MALRD1: variants seen among roughly 807,000 people sequenced by gnomAD.
MALRD1 encodes MAM and LDL-receptor class A domain-containing protein 1.
A neutral mutation model predicts 242.1 loss-of-function variants in MALRD1; 247 were observed. That is an observed-to-expected ratio of 1.02 (90% CI 0.92 to 1.13). The LOEUF (loss-of-function observed/expected upper bound fraction) is 1.13, where lower values mean the gene tolerates loss of function less well. Among genes scored for constraint, MALRD1 ranks in the 50% most tolerant of loss-of-function variants. The pLI is 0.00. For missense variants in MALRD1, 2,989 were observed against 2,533.1 expected (o/e 1.18, Z -3.86); for synonymous variants, 995 against 866.6 (o/e 1.15, Z -2.60).
chr10:19,391,726 T>C (rs1846344495), intron 28 of MALRD1, among the ~76,000 whole-genome samples: 1 of 151,110 alleles, frequency 6.6e-6, no homozygotes, highest in South Asian at 2.1e-4. Context: ...TTTCTGAGTG[T>C]CTTGCAGTTC....
chr10:19,407,057 A>G (rs1436350477), intron 28 of MALRD1, among the ~76,000 whole-genome samples: 1 of 152,130 alleles, frequency 6.6e-6, no homozygotes, highest in Non-Finnish European at 1.5e-5. Context: ...TTCTACCTTT[A>G]GTCTTGACTC....
intron 26 of MALRD1, among the ~76,000 whole-genome samples, chr10:19,384,409 AT>A (rs1845977075): frequency 1.4e-5 from 1 of 70,046 alleles, no homozygotes; most frequent in Non-Finnish European, 2.7e-5. Flanking sequence ...TATATAGTAT[AT>A]ATAATATAAT....
intron 29 of MALRD1, among the ~76,000 whole-genome samples, chr10:19,480,128 C>T (rs565896743): frequency 5.3e-5 from 8 of 152,272 alleles, no homozygotes; most frequent in Admixed American, 2.6e-4. Context: ...TGTGCATCTC[C>T]GGACCACACA....
chr10:19,463,021 A>T (rs1306514562), intron 29 of MALRD1, among the ~76,000 whole-genome samples: 1 of 152,172 alleles, frequency 6.6e-6, no homozygotes, highest in African/African-American at 2.4e-5. Flanking sequence ...TGCGTGGTTA[A>T]ATCATAAGGA....
chr10:19,537,861 T>C (rs1834760308), intron 32 of MALRD1, among the ~76,000 whole-genome samples: 1 of 152,128 alleles, frequency 6.6e-6, no homozygotes, highest in South Asian at 2.1e-4. Flanking sequence ...CATGTGAATC[T>C]TGGGGAGTAA....
At position 19,516,005 on chromosome 10, in the gene MALRD1, C is replaced by G. The variant is rs1053055098; in HGVS notation, c.5321-15189C>G. Among the ~76,000 whole-genome samples, 12 of 152,266 alleles carry G rather than the reference C, an allele frequency of 7.9e-5. No homozygotes were observed. In the East Asian group the frequency reaches 1.9e-3, roughly 24 times the overall value. On this transcript the variant is annotated intron_variant, in intron 31 of 39. Transcript: ENST00000454679. ...GCTTGGATTACTTATGAAGATGAGA[C>G]GTTAAACAACTAGCTATCGTCTTAA... is the stretch of plus-strand genomic sequence containing the variant.
chr10:19,165,919 T>C lies in MALRD1; in HGVS notation c.1830+109T>C, dbSNP rs1322009496. The C allele has an allele frequency of 7.6e-6, 6 of 794,368 alleles. No individual in the cohort carries two copies. The East Asian group carries it at 2.0e-4, about 27-fold the overall frequency. The allele number at this position is 794,368 out of a possible 1,614,324, so 49.2% of individuals were successfully genotyped here. On this transcript the variant is annotated intron_variant, in intron 13 of 39. Transcript: ENST00000454679. Reference sequence around the variant, plus strand: ...GCTCATACCTTTTCAGGTGAGCACATATGAAATTAATACAATGCAACAGAA... The same window carrying C: ...GCTCATACCTTTTCAGGTGAGCACACATGAAATTAATACAATGCAACAGAA...
chr10:19,402,729 A>G (rs561163393), intron 28 of MALRD1, among the ~76,000 whole-genome samples: 26 of 152,270 alleles, frequency 1.7e-4, no homozygotes, highest in African/African-American at 5.8e-4. Flanking sequence ...TGTGTCTTCC[A>G]TGCTCTTATT....
intron 12 of MALRD1, among the ~76,000 whole-genome samples, chr10:19,160,007 T>A (rs1294039749): frequency 2.6e-5 from 4 of 152,192 alleles, no homozygotes; most frequent in Non-Finnish European, 5.9e-5. Context: ...GTTGGAAACT[T>A]TTTTAACCAC....
chr10:19,419,489 G>A (rs1833638719), intron 28 of MALRD1, among the ~76,000 whole-genome samples: 1 of 152,002 alleles, frequency 6.6e-6, no homozygotes, highest in African/African-American at 2.4e-5. Flanking sequence ...TGTTATTAGA[G>A]ATGGGGTTGC....
Position 19,242,253 on chromosome 10 carries a change from T to C in MALRD1, c.2992-15431T>C, listed in dbSNP as rs571929062. Among the ~76,000 whole-genome samples the C allele has an allele frequency of 3.3e-5, 5 of 152,262 alleles. No individual in the cohort carries two copies. In the South Asian group the frequency reaches 8.3e-4, roughly 25 times the overall value. On this transcript the variant is annotated intron_variant, in intron 18 of 39. Transcript: ENST00000454679. The stretch of plus-strand genomic sequence containing the variant: ...TTCCCCCTTATAAAACCATCAGATC[T>C]TGTTAGACGTATTCACTACCACAAG...
chr10:19,406,239 T>C (rs1482203345), intron 28 of MALRD1, among the ~76,000 whole-genome samples: 9 of 152,304 alleles, frequency 5.9e-5, no homozygotes, highest in African/African-American at 1.7e-4. Flanking sequence ...AATGTAAGCA[T>C]AGGAAAGGGA....
chr10:19,732,754 G>A (rs2131947026), intron 39 of MALRD1, among the ~76,000 whole-genome samples: 1 of 152,202 alleles, frequency 6.6e-6, no homozygotes, highest in Admixed American at 6.5e-5. Context: ...GATGGATTCT[G>A]TTGCATTCAG....
intron 29 of MALRD1, among the ~76,000 whole-genome samples, chr10:19,476,065 T>C (rs1836715242): frequency 6.6e-6 from 1 of 152,192 alleles, no homozygotes; most frequent in African/African-American, 2.4e-5. Context: ...TTAGTGCACA[T>C]ACCTTAAATA....
At chr10:19,086,146 T>C (rs2131292518) in intron 2 of MALRD1, among the ~76,000 whole-genome samples, 1 of 152,182 alleles carries the variant, frequency 6.6e-6, no homozygotes, top group East Asian at 1.9e-4. Context: ...CAGTTATGTC[T>C]CTGACTATAT....
intron 35 of MALRD1, among the ~76,000 whole-genome samples, chr10:19,612,342 T>C (rs1443290705): frequency 6.6e-6 from 1 of 151,912 alleles, no homozygotes; most frequent in African/African-American, 2.4e-5. Flanking sequence ...TTTGGCACCT[T>C]ACTCCCCTGT....
At chr10:19,565,716 G>A (rs959699707) in intron 32 of MALRD1, among the ~76,000 whole-genome samples, 1 of 152,144 alleles carries the variant, frequency 6.6e-6, no homozygotes, top group African/African-American at 2.4e-5. Context: ...GTAGTCAATG[G>A]ATCCAAATTC....
intron 18 of MALRD1, among the ~76,000 whole-genome samples, chr10:19,222,605 T>C (rs1837607404): frequency 6.6e-6 from 1 of 152,184 alleles, no homozygotes; most frequent in African/African-American, 2.4e-5. Flanking sequence ...ACAGTATCTG[T>C]GTATGTAAGT....
chr10:19,126,776 C>T (rs929498965), intron 7 of MALRD1, among the ~76,000 whole-genome samples: 2 of 151,136 alleles, frequency 1.3e-5, no homozygotes, highest in African/African-American at 4.9e-5. Flanking sequence ...TATTTAAGTT[C>T]CAGGCTACAT....
Sources: gnomAD v4.1 joint callset for allele counts (sites outside exome capture counted in the v4.1 genomes callset) on GRCh38, gnomAD v4.1.1 for gene constraint, MANE v1.5 for transcripts, NCBI Gene and HGNC (gene_info 2026-07-23, HGNC 2026-07-21) for gene names.